KHDRBS3: variants seen among roughly 807,000 people sequenced by gnomAD.
KHDRBS3 encodes the protein KH RNA binding domain containing, signal transduction associated 3, also known as KH domain-containing, RNA-binding, signal transduction-associated protein 3.
Under a neutral mutation model 45.6 loss-of-function variants are expected in KHDRBS3, and 23 were observed. That is an observed-to-expected ratio of 0.50 (90% CI 0.36 to 0.72). The LOEUF (loss-of-function observed/expected upper bound fraction) is 0.72. KHDRBS3 is among the 30% of genes least tolerant of loss of function. The pLI is 0.00. For synonymous variants in KHDRBS3, 162 were observed against 156.5 expected (o/e 1.04, Z -0.26); for missense variants, 352 against 424.8 (o/e 0.83, Z 1.51).
At chr8:135,631,296 T>G (rs1830593330) in intron 7 of KHDRBS3, among the ~76,000 whole-genome samples, 1 of 151,072 alleles carries the variant, frequency 6.6e-6, no homozygotes, top group South Asian at 2.1e-4. Flanking sequence ...AATAATAAAT[T>G]AACAGCTTAC....
chr8:135,613,294 C>T (rs1009441377), intron 7 of KHDRBS3, among the ~76,000 whole-genome samples: 4 of 151,800 alleles, frequency 2.6e-5, no homozygotes, highest in East Asian at 1.9e-4. Flanking sequence ...TATGGTCAGA[C>T]GCCAACTTTA....
Position 135,628,017 on chromosome 8 carries a change from A to G in KHDRBS3, c.891-17042A>G, listed in dbSNP as rs568158861. Among the ~76,000 whole-genome samples, 20 of 152,344 alleles carry G rather than the reference A, an allele frequency of 1.3e-4. No individual in the cohort carries two copies. The South Asian group carries it at 4.1e-3, about 32-fold the overall frequency. ...ATGTCTAAACTTTATGCCTCTGATT[A>G]GCTGCTTTCTTATTACTAAGCCAGA... is the stretch of plus-strand genomic sequence containing the variant. On this transcript the variant is annotated intron_variant, in intron 7 of 8. Coordinates refer to ENST00000355849, the MANE Select transcript of KHDRBS3 (RefSeq NM_006558.3).
chr8:135,528,820 A>G (rs189496394), intron 2 of KHDRBS3, among the ~76,000 whole-genome samples: 9 of 152,270 alleles, frequency 5.9e-5, no homozygotes, highest in South Asian at 2.1e-4. Flanking sequence ...CAGCTAATTA[A>G]TTACCTTAGC....
intron 5 of KHDRBS3, among the ~76,000 whole-genome samples, chr8:135,561,027 G>A (rs1030277676): frequency 2.6e-5 from 4 of 151,992 alleles, no homozygotes; most frequent in African/African-American, 9.7e-5. Context: ...ATATTCATAC[G>A]GCAGGAATTC....
rs2130797957 is a variant in KHDRBS3 at position 135,548,788 on chromosome 8, A to G, written c.359A>G (p.Tyr120Cys). 6.3e-7 allele frequency: 1 copy of G among 1,576,672 alleles called. No individual in the cohort carries two copies. Among genetic ancestry groups the G allele is most frequent in the Non-Finnish European group, 8.6e-7 (1 of 1,161,606 alleles). The change falls in exon 4 of 9, where the codon TAC becomes TGC. Residue 120 changes from tyrosine to cysteine, a missense_variant. Around this residue, in one of 6 missense-constraint regions of KHDRBS3, gnomAD observed 46 missense variants for 45.9 expected, o/e 1.00. Transcript: ENST00000355849. ...TTGAGGAAAAGTGGAGAAGCGAAGT[A>G]CTTCCATCTCAATGATGATCTCCAT... ...EELRKSGEAK[Y>C]FHLNDDLHVL... is the part of the protein sequence containing the mutation.
intron 1 of KHDRBS3, among the ~76,000 whole-genome samples, chr8:135,491,766 G>A (rs1392077301): frequency 2.0e-5 from 3 of 152,082 alleles, no homozygotes; most frequent in Non-Finnish European, 4.4e-5. Flanking sequence ...ATAAGACAAC[G>A]TTGTTTTAGC....
Position 135,471,806 on chromosome 8 carries a change from C to T in KHDRBS3, c.88+13852C>T, listed in dbSNP as rs561517822. ...GCAGTGAATGCATCCCTGTTCTCTT[C>T]GCTCGCTCTCTGTGTGCCAGCTACT... On this transcript the variant is annotated intron_variant, in intron 1 of 8. Transcript: ENST00000355849. Among the ~76,000 whole-genome samples the T allele has an allele frequency of 5.3e-5, 8 of 152,334 alleles. No homozygotes were observed. In the South Asian group the frequency reaches 1.2e-3, roughly 24 times the overall value.
At chr8:135,594,801 G>A (rs1471698815) in intron 6 of KHDRBS3, among the ~76,000 whole-genome samples, 1 of 152,174 alleles carries the variant, frequency 6.6e-6, no homozygotes, top group Admixed American at 6.5e-5. Flanking sequence ...AATGTACACT[G>A]CTCCAGCCAC....
intron 4 of KHDRBS3, among the ~76,000 whole-genome samples, chr8:135,654,981 T>C (rs1010273854): frequency 4.6e-5 from 7 of 152,226 alleles, no homozygotes; most frequent in African/African-American, 1.7e-4. Flanking sequence ...TTGGCAGATG[T>C]CTCATTCTGA....
rs1479198980 is a variant in KHDRBS3, at chr8:135,548,849, T to C, written c.420T>C (p.Ala140=). The change falls in exon 4 of 9, where the codon GCT becomes GCC. Residue 140 remains alanine (A), a synonymous_variant. Coordinates refer to ENST00000355849, the MANE Select transcript of KHDRBS3 (RefSeq NM_006558.3). ...LIEVFAPPAE[A]YARMGHALEE... is the part of the protein sequence containing the mutation. ...AAGTGTTTGCCCCACCTGCAGAAGC[T>C]TATGCCAGGATGGGACATGCTTTGG... is the stretch of plus-strand genomic sequence containing the variant. 4 of 1,604,094 alleles carry C rather than the reference T, an allele frequency of 2.5e-6. No individual in the cohort carries two copies. In the Admixed American group the frequency reaches 6.8e-5, roughly 27 times the overall value.
intron 5 of KHDRBS3, among the ~76,000 whole-genome samples, chr8:135,564,928 G>C (rs1447049890): frequency 6.6e-6 from 1 of 152,126 alleles, no homozygotes. Flanking sequence ...AGGAGGTGAG[G>C]GTTGATGGGA....
intron 1 of KHDRBS3, among the ~76,000 whole-genome samples, chr8:135,474,392 T>C (rs2130245672): frequency 6.6e-6 from 1 of 152,346 alleles, no homozygotes; most frequent in East Asian, 1.9e-4. Flanking sequence ...AGATGCCCAG[T>C]GGAAGTATGC....
At chr8:135,583,905 G>T (rs972726592) in intron 6 of KHDRBS3, among the ~76,000 whole-genome samples, 17 of 152,102 alleles carry the variant, frequency 1.1e-4, no homozygotes, top group Admixed American at 5.9e-4. Flanking sequence ...AGACATTTGG[G>T]TTTGCTGCTT....
intron 1 of KHDRBS3, among the ~76,000 whole-genome samples, chr8:135,498,714 A>T (rs550019312): frequency 1.2e-4 from 18 of 152,264 alleles, no homozygotes; most frequent in African/African-American, 2.2e-4. Flanking sequence ...TCTTTTTTTT[A>T]AAAATATCAT....
At position 135,583,912 on chromosome 8, in the gene KHDRBS3, G is replaced by T. The variant is rs185931449; in HGVS notation, c.807+1839G>T. 4.9e-4 allele frequency among the ~76,000 whole-genome samples: 74 copies of T among 152,296 alleles called. 1 individual carries two copies. The highest frequency in any genetic ancestry group is 1.8e-3 in the African/African-American group (73 of 41,556). ...GACATTCAAGACATTTGGGTTTGCT[G>T]CTTGTACTTTTGATTGTTTTATTTA... On this transcript the variant is annotated intron_variant, in intron 6 of 8. Transcript: ENST00000355849.
At chr8:135,602,791 A>G (rs1829277237) in intron 6 of KHDRBS3, among the ~76,000 whole-genome samples, 1 of 152,204 alleles carries the variant, frequency 6.6e-6, no homozygotes, top group African/African-American at 2.4e-5. Flanking sequence ...ACCAAGAGAT[A>G]TTTCATAAAC....
At chr8:135,470,597 T>C (rs890070661) in intron 1 of KHDRBS3, among the ~76,000 whole-genome samples, 4 of 151,618 alleles carry the variant, frequency 2.6e-5, no homozygotes, top group African/African-American at 4.9e-5. Flanking sequence ...TTTCTTCTTC[T>C]TTCCCTGAGA....
chr8:135,654,479 A>G (rs1374843233), intron 4 of KHDRBS3, among the ~76,000 whole-genome samples: 1 of 152,184 alleles, frequency 6.6e-6, no homozygotes, highest in African/African-American at 2.4e-5. Context: ...CCAGAAACTC[A>G]TCTGCTCAAA....
chr8:135,618,764 G>A (rs1830019774), intron 7 of KHDRBS3, among the ~76,000 whole-genome samples: 5 of 152,104 alleles, frequency 3.3e-5, no homozygotes, highest in African/African-American at 9.7e-5. Flanking sequence ...TTTCCACTTC[G>A]CTGTGTATGT....
Sources: gnomAD v4.1 joint callset for allele counts (sites outside exome capture counted in the v4.1 genomes callset) on GRCh38, gnomAD v4.1.1 for gene constraint, gnomAD v4.1.1 regional missense constraint, MANE v1.5 for transcripts, NCBI Gene and HGNC (gene_info 2026-07-23, HGNC 2026-07-21) for gene names.